The following ZMIZ1 variants were observed in gnomAD, a reference collection of about 807,000 sequenced individuals.
ZMIZ1 encodes zinc finger MIZ-type containing 1.
Under a neutral mutation model 113.9 loss-of-function variants are expected in ZMIZ1, and 17 were observed. The observed-to-expected ratio is 0.15, with a 90% CI of 0.10 to 0.22. ZMIZ1 has a LOEUF of 0.22. Ranked by LOEUF, ZMIZ1 falls within the 10% of genes least tolerant of loss-of-function variation. The pLI is 1.00. For synonymous variants in ZMIZ1, 607 were observed against 603.1 expected, an observed-to-expected ratio of 1.01 and a Z score of -0.09; for missense variants, 1,059 against 1,477.8, an observed-to-expected ratio of 0.72 and a Z score of 4.65.
chr10:79,277,850 G>A (rs768894287), intron 8 of ZMIZ1, among the ~76,000 whole-genome samples: 1 of 152,246 alleles, frequency 6.6e-6, no homozygotes, highest in East Asian at 1.9e-4. Flanking sequence ...GAAGGAGCAC[G>A]TGGCCAGGAC....
At chr10:79,077,274 C>G (rs1842505179) in intron 1 of ZMIZ1, among the ~76,000 whole-genome samples, 1 of 152,250 alleles carries the variant, frequency 6.6e-6, no homozygotes, top group Admixed American at 6.5e-5. Context: ...TCTAACCACT[C>G]AGCGACCTAG....
intron 14 of ZMIZ1, 56 bp downstream of exon 14, chr10:79,297,746 G>C (rs549041689): frequency 6.7e-7 from 1 of 1,495,846 alleles, no homozygotes; most frequent in South Asian, 1.1e-5. Flanking sequence ...TGCCTCTAAA[G>C]GTTCTCACTG....
intron 7 of ZMIZ1, among the ~76,000 whole-genome samples, chr10:79,232,335 T>C (rs1564538964): frequency 6.6e-6 from 1 of 152,110 alleles, no homozygotes; most frequent in Non-Finnish European, 1.5e-5. Context: ...GGAAGATGGC[T>C]GGTATGGGAA....
chr10:79,166,576 G>C (rs916500555), intron 4 of ZMIZ1, among the ~76,000 whole-genome samples: 2 of 152,252 alleles, frequency 1.3e-5, no homozygotes, highest in South Asian at 4.1e-4. Context: ...CCACCAGCTG[G>C]AGCAGGAGAA....
chr10:79,127,704 G>A (rs1189956882), intron 2 of ZMIZ1, among the ~76,000 whole-genome samples: 1 of 152,142 alleles, frequency 6.6e-6, no homozygotes, highest in Non-Finnish European at 1.5e-5. Context: ...GACCGAGCCA[G>A]TGTTTCCTGT....
intron 4 of ZMIZ1, among the ~76,000 whole-genome samples, chr10:79,162,544 C>G (rs1412185918): frequency 1.3e-5 from 2 of 152,176 alleles, no homozygotes; most frequent in African/African-American, 4.8e-5. Flanking sequence ...CCCTTCTGCC[C>G]ACTCTCACAA....
At chr10:79,176,656 C>G (rs1846880964) in intron 4 of ZMIZ1, among the ~76,000 whole-genome samples, 1 of 150,106 alleles carries the variant, frequency 6.7e-6, no homozygotes, top group Non-Finnish European at 1.5e-5. Flanking sequence ...TGGCAAGGAC[C>G]TGCTTGATAG....
chr10:79,284,872 T>C (rs1852964672), intron 8 of ZMIZ1, among the ~76,000 whole-genome samples: 1 of 152,190 alleles, frequency 6.6e-6, no homozygotes, highest in African/African-American at 2.4e-5. Context: ...CAGTACAAGC[T>C]AAAGCAGACG....
chr10:79,186,838 A>G (rs2132594607), intron 4 of ZMIZ1, among the ~76,000 whole-genome samples: 1 of 152,358 alleles, frequency 6.6e-6, no homozygotes, highest in South Asian at 2.1e-4. Context: ...GACTGGTCAA[A>G]GGGGCACTGA....
intron 4 of ZMIZ1, among the ~76,000 whole-genome samples, chr10:79,171,504 A>G (rs1846601401): frequency 1.3e-5 from 2 of 152,342 alleles, no homozygotes; most frequent in Non-Finnish European, 2.9e-5. Context: ...GTACTCAGTA[A>G]GGCAGCAGTA....
At chr10:79,139,175 T>C (rs1047855016) in intron 2 of ZMIZ1, among the ~76,000 whole-genome samples, 1 of 152,214 alleles carries the variant, frequency 6.6e-6, no homozygotes, top group Non-Finnish European at 1.5e-5. Flanking sequence ...GTCAGGGATC[T>C]GGTGAGCAAT....
intron 5 of ZMIZ1, among the ~76,000 whole-genome samples, chr10:79,207,308 C>T (rs1381178649): frequency 6.6e-6 from 1 of 152,216 alleles, no homozygotes; most frequent in African/African-American, 2.4e-5. Context: ...CTGTGGACAC[C>T]CTCCAGGGGT....
At chr10:79,102,069 G>A (rs1222675510) in intron 1 of ZMIZ1, among the ~76,000 whole-genome samples, 1 of 152,214 alleles carries the variant, frequency 6.6e-6, no homozygotes, top group Non-Finnish European at 1.5e-5. Flanking sequence ...CTCTCAAGGA[G>A]GAAGAGCTGT....
intron 1 of ZMIZ1, among the ~76,000 whole-genome samples, chr10:79,104,476 T>A (rs1474638235): frequency 6.6e-6 from 1 of 152,202 alleles, no homozygotes; most frequent in East Asian, 1.9e-4. Context: ...CTCAGTTTTG[T>A]CATCTGCAAA....
At chr10:79,157,368 G>GGTGTGTGTGT (rs10573955) in intron 3 of ZMIZ1, among the ~76,000 whole-genome samples, 20 of 147,704 alleles carry the variant, frequency 1.4e-4, no homozygotes, top group Non-Finnish European at 1.8e-4. Context: ...AGGCATAAGG[G>GGTGTGTGTGT]GTGTGTGTGT....
intron 3 of ZMIZ1, among the ~76,000 whole-genome samples, chr10:79,157,649 G>A (rs1263325950): frequency 1.3e-5 from 2 of 152,154 alleles, no homozygotes; most frequent in African/African-American, 2.4e-5. Context: ...CTGCACCCTG[G>A]CCCAGGCTGG....
chr10:79,315,525 C>T lies in ZMIZ1; in HGVS notation c.*2776C>T, dbSNP rs946159732. On this transcript the variant is annotated 3_prime_UTR_variant, in exon 25 of 25. Coordinates refer to ENST00000334512, the MANE Select transcript of ZMIZ1 (RefSeq NM_020338.4). ...TTCTGCCGCCACTCCGCAAGATGGACAGGGAGCCAGCAGGCAGGCGGGAAG... is the reference window on the plus strand; with the variant it reads ...TTCTGCCGCCACTCCGCAAGATGGATAGGGAGCCAGCAGGCAGGCGGGAAG... The T allele has an allele frequency of 3.3e-5, 5 of 152,878 alleles. No individual in the cohort carries two copies. Among genetic ancestry groups the T allele is most frequent in the Admixed American group, 2.0e-4 (3 of 15,292 alleles). The allele number at this position is 152,878 out of a possible 1,614,324, so 9.5% of individuals were successfully genotyped here.
Position 79,191,774 on chromosome 10 carries a change from G to T in ZMIZ1, c.-49-9810G>T, listed in dbSNP as rs550882629. Reference sequence around the variant, plus strand: ...GACCTAGATTCAAATCCTGGCAGTTGTCAGTAGTGTGACCCTAAGCAAATC... The same window carrying T: ...GACCTAGATTCAAATCCTGGCAGTTTTCAGTAGTGTGACCCTAAGCAAATC... On this transcript the variant is annotated intron_variant, in intron 4 of 24. Transcript: ENST00000334512. Among the ~76,000 whole-genome samples, 10 of 152,364 alleles carry T rather than the reference G, an allele frequency of 6.6e-5. No homozygotes were observed. In the East Asian group the frequency reaches 1.3e-3, roughly 21 times the overall value.
chr10:79,149,541 C>A (rs1845626244), intron 3 of ZMIZ1, among the ~76,000 whole-genome samples: 3 of 152,200 alleles, frequency 2.0e-5, no homozygotes, highest in Admixed American at 6.5e-5. Flanking sequence ...AGCCCCTGGG[C>A]CAAGCTCCCC....
Sources: gnomAD v4.1 joint callset for allele counts (sites outside exome capture counted in the v4.1 genomes callset) on GRCh38, gnomAD v4.1.1 for gene constraint, MANE v1.5 for transcripts, NCBI Gene and HGNC (gene_info 2026-07-23, HGNC 2026-07-21) for gene names.